ABCC4: variants seen among roughly 807,000 people sequenced by gnomAD.
ABCC4 encodes the protein ATP binding cassette subfamily C member 4 (PEL blood group).
In ABCC4, 102 loss-of-function variants were observed where a neutral mutation model predicts 168.5. The ratio of observed to expected loss-of-function variants is 0.61; its 90% CI spans 0.52 to 0.71. ABCC4 has a LOEUF of 0.71. Ranked by LOEUF, ABCC4 falls within the 30% of genes least tolerant of loss-of-function variation. ABCC4 has a pLI of 0.00. For missense variants in ABCC4, 1,402 were observed against 1,605.8 expected (o/e 0.87, Z 2.17); for synonymous variants, 617 against 590.7 (o/e 1.04, Z -0.65).
At chr13:95,060,747 T>C (rs1303105739) in intron 26 of ABCC4, among the ~76,000 whole-genome samples, 1 of 152,242 alleles carries the variant, frequency 6.6e-6, no homozygotes. Flanking sequence ...ACAATACACA[T>C]AGCATAAAAT....
chr13:95,182,343 C>G (rs1439951503), intron 11 of ABCC4, among the ~76,000 whole-genome samples: 3 of 36,448 alleles, frequency 8.2e-5, no homozygotes, highest in Non-Finnish European at 1.7e-4. Flanking sequence ...CAATTCCATG[C>G]CTTTTTGGAT....
At chr13:95,022,204 G>A (rs944525554) in intron 30 of ABCC4, among the ~76,000 whole-genome samples, 6 of 152,072 alleles carry the variant, frequency 3.9e-5, no homozygotes, top group African/African-American at 1.2e-4. Flanking sequence ...GCAGTTATAG[G>A]GCCTATAGAA....
chr13:95,141,620 C>T (rs371026967), intron 19 of ABCC4, among the ~76,000 whole-genome samples: 12 of 152,056 alleles, frequency 7.9e-5, no homozygotes, highest in African/African-American at 2.9e-4. Flanking sequence ...TTGAAAAGAA[C>T]CTTAGAAGTG....
intron 27 of ABCC4, 90 bp from the exon 28 acceptor site, chr13:95,044,528 T>C: frequency 8.5e-7 from 1 of 1,181,978 alleles, no homozygotes. Context: ...TCAAGTCCCT[T>C]CTCTCGAGAG....
chr13:95,184,432 G>A lies in ABCC4; in HGVS notation c.1545+2269C>T, dbSNP rs1391652175. On this transcript the variant is annotated intron_variant, in intron 11 of 30. Coordinates refer to ENST00000645237, the MANE Select transcript of ABCC4 (RefSeq NM_005845.5). ...ACCTTATAAACACCCCCAACTGAGA[G>A]GTGCCTGGCAGAGGGGAAAATGGAA... Among the ~76,000 whole-genome samples, 3 of 152,158 alleles carry A rather than the reference G, an allele frequency of 2.0e-5. No individual in the cohort carries two copies. The East Asian group carries it at 5.8e-4, about 29-fold the overall frequency.
chr13:95,047,476 C>CTTTTTTTTTT lies in ABCC4; in HGVS notation c.3457-3048_3457-3039dup, dbSNP rs71111586. Among the ~76,000 whole-genome samples the CTTTTTTTTTT allele has an allele frequency of 5.0e-3, 414 of 83,350 alleles. 29 individuals are homozygous for CTTTTTTTTTT. The highest frequency in any genetic ancestry group is 0.011 in the Middle Eastern group (1 of 92). 54.7% of individuals were successfully genotyped at this position (83,350 alleles called of 152,430 possible). On this transcript the variant is annotated intron_variant, in intron 27 of 30. Coordinates refer to ENST00000645237, the MANE Select transcript of ABCC4 (RefSeq NM_005845.5). ...CCTGGACAATGAAATACTGCCTATT[C>CTTTTTTTTTT]TTTTTTTTTTTTTTTTTTTTTGAGG...
At chr13:95,252,949 A>G (rs980089206) in intron 1 of ABCC4, among the ~76,000 whole-genome samples, 1 of 152,244 alleles carries the variant, frequency 6.6e-6, no homozygotes, top group African/African-American at 2.4e-5. Flanking sequence ...GGTGCCAGGA[A>G]TTCAACACTT....
At chr13:95,267,512 T>C (rs1478318898) in intron 1 of ABCC4, among the ~76,000 whole-genome samples, 2 of 152,166 alleles carry the variant, frequency 1.3e-5, no homozygotes, top group African/African-American at 2.4e-5. Flanking sequence ...ATACACCAGC[T>C]CCCCTGACTT....
intron 4 of ABCC4, among the ~76,000 whole-genome samples, chr13:95,227,925 G>A (rs751243369): frequency 3.3e-5 from 5 of 152,088 alleles, no homozygotes; most frequent in Non-Finnish European, 7.3e-5. Flanking sequence ...GGTCAGGCTG[G>A]TCTCGAACTC....
intron 4 of ABCC4, among the ~76,000 whole-genome samples, chr13:95,223,985 A>C (rs2039380434): frequency 6.6e-6 from 1 of 152,190 alleles, no homozygotes; most frequent in Non-Finnish European, 1.5e-5. Flanking sequence ...ATATATATGT[A>C]ATAGGAGTCC....
intron 15 of ABCC4, 55 bp from the exon 16 acceptor site, chr13:95,164,573 A>C: frequency 6.3e-7 from 1 of 1,587,096 alleles, no homozygotes. Flanking sequence ...CTGTTCCCAA[A>C]GATGACAATG....
At chr13:95,218,746 G>A (rs142546979) in intron 4 of ABCC4, among the ~76,000 whole-genome samples, 1 of 151,926 alleles carries the variant, frequency 6.6e-6, no homozygotes, top group East Asian at 1.9e-4. Context: ...AGCTACTCAG[G>A]AGGCTGAGGT....
At chr13:95,120,364 A>G (rs1032977405) in intron 19 of ABCC4, among the ~76,000 whole-genome samples, 1 of 152,070 alleles carries the variant, frequency 6.6e-6, no homozygotes, top group African/African-American at 2.4e-5. Flanking sequence ...CAGGAGTTCA[A>G]GACCGGCCTG....
intron 4 of ABCC4, among the ~76,000 whole-genome samples, chr13:95,212,309 CAG>C (rs1204743070): frequency 1.3e-5 from 2 of 151,996 alleles, no homozygotes; most frequent in African/African-American, 4.8e-5. Context: ...AGGAAAGAAA[CAG>C]AACGTAATGT....
intron 8 of ABCC4, among the ~76,000 whole-genome samples, chr13:95,202,852 G>A (rs1013375719): frequency 1.3e-5 from 2 of 151,822 alleles, no homozygotes; most frequent in Non-Finnish European, 2.9e-5. Flanking sequence ...CAGAGGCGGG[G>A]TTTCACCATG....
At chr13:95,025,629 G>A (rs1200391759) in intron 30 of ABCC4, among the ~76,000 whole-genome samples, 1 of 151,134 alleles carries the variant, frequency 6.6e-6, no homozygotes, top group Non-Finnish European at 1.5e-5. Context: ...GGTCTAGGAA[G>A]AGTTCGTTTT....
chr13:95,191,874 T>C (rs1180095232), intron 9 of ABCC4, among the ~76,000 whole-genome samples: 2 of 152,248 alleles, frequency 1.3e-5, no homozygotes, highest in African/African-American at 2.4e-5. Context: ...CCCTGGTTCT[T>C]AGAGCAGGTT....
chr13:95,157,111 C>CACACACACACAT (rs2036890840), intron 19 of ABCC4, among the ~76,000 whole-genome samples: 2 of 148,562 alleles, frequency 1.3e-5, no homozygotes, highest in Admixed American at 1.3e-4. Context: ...CACACACACA[C>CACACACACACAT]ACACACACAC....
chr13:95,270,219 T>C (rs765789381), intron 1 of ABCC4, among the ~76,000 whole-genome samples: 1 of 151,998 alleles, frequency 6.6e-6, no homozygotes, highest in Non-Finnish European at 1.5e-5. Context: ...TAAATTAATA[T>C]ATTTTGTTAG....
Sources: allele counts gnomAD v4.1 joint callset (sites outside exome capture counted in the v4.1 genomes callset), GRCh38; gene constraint gnomAD v4.1.1; transcripts MANE v1.5; gene names NCBI Gene and HGNC (gene_info 2026-07-23, HGNC 2026-07-21).